The following TRAFD1 variants were observed in gnomAD, a reference collection of about 807,000 sequenced individuals.
TRAFD1 encodes the protein TRAF-type zinc finger domain containing 1.
A neutral mutation model predicts 65.3 loss-of-function variants in TRAFD1; 38 were observed. The observed-to-expected ratio is 0.58, with a 90% confidence interval of 0.45 to 0.76. The LOEUF is 0.76. TRAFD1 is among the 30% of genes least tolerant of loss of function. The probability of loss-of-function intolerance (pLI) is 0.00; values close to 1 mark genes in which losing one functional copy is unlikely to be tolerated. For synonymous variants in TRAFD1, 223 were observed against 257.2 expected (o/e 0.87, Z 1.27); for missense variants, 631 against 712.6 (o/e 0.89, Z 1.30).
Position 112,152,385 on chromosome 12 carries a change from C to A in TRAFD1, c.1620-42C>A. ...CCCTCTGAGTTTGTTGACCTTTGCT[C>A]AGGGACACTTCAGGAGCTAGTTTCT... On this transcript the variant is annotated intron_variant, in intron 10 of 11. Coordinates refer to ENST00000412615, the MANE Select transcript of TRAFD1 (RefSeq NM_006700.3). This position sits in a 1 kb window ranked among gnomAD's most constrained non-coding sequence, Gnocchi z 5.0. The A allele has an allele frequency of 6.2e-7, 1 of 1,606,342 alleles. No individual in the cohort carries two copies. Among genetic ancestry groups the A allele is most frequent in the South Asian group, 1.1e-5 (1 of 90,948 alleles).
intron 4 of TRAFD1, among the ~76,000 whole-genome samples, chr12:112,135,582 C>T (rs1034610098): frequency 1.3e-5 from 2 of 151,934 alleles, no homozygotes; most frequent in African/African-American, 4.8e-5. Context: ...TATAGGCGCC[C>T]ACCACCACTC....
intron 4 of TRAFD1, among the ~76,000 whole-genome samples, chr12:112,139,004 G>T (rs932411414): frequency 2.0e-5 from 3 of 152,000 alleles, no homozygotes; most frequent in African/African-American, 7.2e-5. Context: ...GAACAGGGGA[G>T]AAGAGACATG....
intron 8 of TRAFD1, among the ~76,000 whole-genome samples, chr12:112,148,850 G>C (rs540361925): frequency 6.6e-6 from 1 of 152,314 alleles, no homozygotes; most frequent in South Asian, 2.1e-4. Flanking sequence ...CAACACTGCA[G>C]CTACCATTTC....
intron 4 of TRAFD1, among the ~76,000 whole-genome samples, chr12:112,138,045 A>G (rs2029970404): frequency 6.6e-6 from 1 of 152,080 alleles, no homozygotes; most frequent in African/African-American, 2.4e-5. Flanking sequence ...GTTCAAGACC[A>G]GTCTAGGCAA....
intron 8 of TRAFD1, chr12:112,149,405 CAGTT>C (rs1331171823): frequency 4.2e-5 from 9 of 216,328 alleles, no homozygotes; most frequent in South Asian, 6.9e-5. Context: ...TGTTCACAGT[CAGTT>C]ACAGATTGAA....
At chr12:112,146,987 GTTTTTTTTT>G (rs547077120) in intron 7 of TRAFD1, among the ~76,000 whole-genome samples, 16 of 52,516 alleles carry the variant, frequency 3.0e-4, no homozygotes, top group East Asian at 7.7e-4. Context: ...GGGAACTTCT[GTTTTTTTTT>G]TTTTTTTTTT....
chr12:112,132,672 C>T (rs980162582), intron 2 of TRAFD1, among the ~76,000 whole-genome samples: 5 of 152,182 alleles, frequency 3.3e-5, no homozygotes, highest in Admixed American at 6.6e-5. Context: ...AATTCCACCA[C>T]TGGATGAAAA....
rs966724580 is a variant in TRAFD1 at position 112,137,823 on chromosome 12, T to C, written c.237+2757T>C. Among the ~76,000 whole-genome samples, 1 of 152,170 alleles carries C rather than the reference T, an allele frequency of 6.6e-6. No individual in the cohort carries two copies. The highest frequency in any genetic ancestry group is 1.5e-5 in the Non-Finnish European group (1 of 68,034). ...CAAACAGCTGTTTATATGGTAGTTA[T>C]AGAAGAGTGGATATACATATGTAAA... On this transcript the variant is annotated intron_variant, in intron 4 of 11. Coordinates refer to ENST00000412615, the MANE Select transcript of TRAFD1 (RefSeq NM_006700.3). This position sits in a 1 kb window ranked among gnomAD's most constrained non-coding sequence, Gnocchi z 4.2.
At position 112,153,008 on chromosome 12, in the gene TRAFD1, A is replaced by C. The variant is rs1049379040; in HGVS notation, c.*217A>C. ...GGCGGTTGAGGAACGCTTCAGCCTT[A>C]GCTGCTACCTTTCGGCAGCAGTGAA... is the stretch of plus-strand genomic sequence containing the variant. On this transcript the variant is annotated 3_prime_UTR_variant, in exon 12 of 12. Coordinates refer to ENST00000412615, the MANE Select transcript of TRAFD1 (RefSeq NM_006700.3). The C allele has an allele frequency of 3.9e-6, 2 of 516,596 alleles. No homozygotes were observed. Among genetic ancestry groups the C allele is most frequent in the African/African-American group, 1.9e-5 (1 of 51,508 alleles). The allele number at this position is 516,596 out of a possible 1,614,324, so 32.0% of individuals were successfully genotyped here. A position where few individuals can be genotyped will look rare whatever the true frequency, so the allele number is the denominator to read the frequency against.
In TRAFD1 at chr12:112,152,430, T is replaced by C. The variant is rs1365660948; in HGVS notation, c.1623T>C (p.Gly541=). 6.2e-7 allele frequency: 1 copy of C among 1,613,042 alleles called. No homozygotes were observed. The change falls in exon 11 of 12, where the codon GGT becomes GGC. Residue 541 remains glycine, a synonymous_variant. Coordinates refer to ENST00000412615, the MANE Select transcript of TRAFD1 (RefSeq NM_006700.3). This position sits in a 1 kb window ranked among gnomAD's most constrained non-coding sequence, Gnocchi z 5.0. The part of the protein sequence containing the change: ...PGPSGRYGAS[G]RSEGGRNSRV... The stretch of plus-strand genomic sequence containing the variant: ...GTTTCTAATTGTTTTCTTTCAGTGG[T>C]AGGAGTGAAGGTGGCAGGAATTCCC...
chr12:112,145,231 C>T lies in TRAFD1; in HGVS notation c.851-355C>T, dbSNP rs918165904. ...AATAAGGATAATGTAGGATCTACTT[C>T]GTAAGTTTTTTCTGAGGATTGAAAT... On this transcript the variant is annotated intron_variant, in intron 6 of 11. Transcript: ENST00000412615. Among the ~76,000 whole-genome samples, 4 of 152,134 alleles carry T rather than the reference C, an allele frequency of 2.6e-5. No homozygotes were observed. In the East Asian group the frequency reaches 7.7e-4, roughly 29 times the overall value.
intron 2 of TRAFD1, 68 bp from the exon 3 acceptor site, chr12:112,134,670 G>A (rs2079586614): frequency 6.4e-7 from 1 of 1,551,494 alleles, no homozygotes; most frequent in African/African-American, 1.4e-5. Context: ...TCCATGTGAT[G>A]CCACTGTGCA....
chr12:112,152,815 C>T lies in TRAFD1; in HGVS notation c.*24C>T, dbSNP rs369157267. On this transcript the variant is annotated 3_prime_UTR_variant, in exon 12 of 12. Transcript: ENST00000412615. The surrounding 1 kb of genome is among the most constrained non-coding windows in gnomAD (Gnocchi z 5.0). ...AATGGTGTCTCCAGAGACTTTACAT[C>T]GGTTCCTGTCTTCTGTGCACAGCAG... The T allele has an allele frequency of 1.5e-4, 245 of 1,613,536 alleles. 2 individuals are homozygous for T. In the Middle Eastern group the frequency reaches 2.6e-3, roughly 17 times the overall value.
chr12:112,136,872 C>T (rs146354765), intron 4 of TRAFD1, among the ~76,000 whole-genome samples: 10 of 152,352 alleles, frequency 6.6e-5, no homozygotes, highest in African/African-American at 1.7e-4. Flanking sequence ...AGATTACAGG[C>T]GTGAGCTATG....
At chr12:112,133,861 C>T (rs1222433452) in intron 2 of TRAFD1, among the ~76,000 whole-genome samples, 1 of 151,424 alleles carries the variant, frequency 6.6e-6, no homozygotes, top group African/African-American at 2.4e-5. Context: ...CCCGCCACCA[C>T]ACCTGGTTAA....
chr12:112,138,348 A>T (rs2029976529), intron 4 of TRAFD1, among the ~76,000 whole-genome samples: 1 of 152,126 alleles, frequency 6.6e-6, no homozygotes, highest in Non-Finnish European at 1.5e-5. Context: ...TCAGAAGTTC[A>T]AGACCAGCCT....
intron 4 of TRAFD1, among the ~76,000 whole-genome samples, chr12:112,140,493 C>T (rs546176737): frequency 6.6e-6 from 1 of 150,874 alleles, no homozygotes; most frequent in South Asian, 2.1e-4. Flanking sequence ...TGACAAACAT[C>T]TGACTTGCTA....
chr12:112,130,053 A>G lies in TRAFD1; in HGVS notation c.-12-458A>G, dbSNP rs1593862632. 6.6e-6 allele frequency among the ~76,000 whole-genome samples: 1 copy of G among 151,310 alleles called. No individual in the cohort carries two copies. The highest frequency in any genetic ancestry group is 2.4e-5 in the African/African-American group (1 of 41,108). ...CAGCCTTAAACTCCTAGGCTTAAGCATTCCTCTTGCACATTCCTCCTGCCT... is the reference window on the plus strand; with the variant it reads ...CAGCCTTAAACTCCTAGGCTTAAGCGTTCCTCTTGCACATTCCTCCTGCCT... On this transcript the variant is annotated intron_variant, in intron 1 of 11. Coordinates refer to ENST00000412615, the MANE Select transcript of TRAFD1 (RefSeq NM_006700.3). The surrounding 1 kb of genome is among the most constrained non-coding windows in gnomAD (Gnocchi z 4.4).
chr12:112,148,327 T>G (rs2030311577), intron 8 of TRAFD1, 23 bp downstream of exon 8: 1 of 1,603,878 alleles, frequency 6.2e-7, no homozygotes, highest in South Asian at 1.1e-5. Context: ...GGAGTCCCTG[T>G]CCATGTGGCT....
Sources: gnomAD v4.1 joint callset for allele counts (sites outside exome capture counted in the v4.1 genomes callset) on GRCh38, gnomAD v4.1.1 for gene constraint, Gnocchi (gnomAD v3.1) non-coding constraint, MANE v1.5 for transcripts, NCBI Gene and HGNC (gene_info 2026-07-23, HGNC 2026-07-21) for gene names.